PALM2AKAP2: variants seen among roughly 807,000 people sequenced by gnomAD.
PALM2AKAP2 encodes PALM2-AKAP2 fusion protein.
Under a neutral mutation model 71.5 loss-of-function variants are expected in PALM2AKAP2, and 37 were observed. That is an observed-to-expected ratio of 0.52 (90% CI 0.40 to 0.68). The LOEUF is 0.68. PALM2AKAP2 is among the 30% of genes least tolerant of loss of function. PALM2AKAP2 has a pLI of 0.00. For missense variants in PALM2AKAP2, 1,224 were observed against 1,191.8 expected (o/e 1.03, Z -0.40); for synonymous variants, 468 against 478.8 (o/e 0.98, Z 0.29).
chr9:109,883,359 GA>G (rs1829898127), intron 3 of PALM2AKAP2, among the ~76,000 whole-genome samples: 1 of 152,168 alleles, frequency 6.6e-6, no homozygotes, highest in Non-Finnish European at 1.5e-5. Flanking sequence ...GTGAGGCCTG[GA>G]TTCAGGGGCC....
intron 1 of PALM2AKAP2, among the ~76,000 whole-genome samples, chr9:109,680,990 A>T (rs1827723731): frequency 1.3e-5 from 2 of 152,242 alleles, no homozygotes; most frequent in Admixed American, 6.5e-5. Context: ...AAGAAAAAGT[A>T]AGTATAAGGA....
intron 1 of PALM2AKAP2, among the ~76,000 whole-genome samples, chr9:109,833,469 G>C (rs1828367448): frequency 1.3e-5 from 2 of 152,194 alleles, no homozygotes; most frequent in Admixed American, 1.3e-4. Context: ...TGTTGGCATG[G>C]AGCTCCCAGT....
intron 1 of PALM2AKAP2, among the ~76,000 whole-genome samples, chr9:110,083,696 A>G (rs558342566): frequency 2.6e-5 from 4 of 152,366 alleles, no homozygotes; most frequent in South Asian, 4.1e-4. Context: ...AAAATAGATC[A>G]CATACAAAGA....
chr9:110,027,904 T>C (rs1833211324), intron 7 of PALM2AKAP2, among the ~76,000 whole-genome samples: 1 of 152,204 alleles, frequency 6.6e-6, no homozygotes, highest in African/African-American at 2.4e-5. Context: ...AGGATTGTTT[T>C]GTGCAGGGAC....
At chr9:109,773,552 G>C (rs12347289) in intron 1 of PALM2AKAP2, among the ~76,000 whole-genome samples, 4 of 151,878 alleles carry the variant, frequency 2.6e-5, no homozygotes, top group Non-Finnish European at 2.9e-5. Context: ...AGTTCTCAGA[G>C]CACTTTCTCA....
intron 6 of PALM2AKAP2, among the ~76,000 whole-genome samples, chr9:109,935,938 A>T (rs988055031): frequency 6.6e-6 from 1 of 152,226 alleles, no homozygotes; most frequent in South Asian, 2.1e-4. Flanking sequence ...TTGACCAAAA[A>T]TAGAAGCAAA....
intron 1 of PALM2AKAP2, among the ~76,000 whole-genome samples, chr9:109,667,405 C>A (rs1042808104): frequency 2.0e-5 from 2 of 98,434 alleles, no homozygotes; most frequent in African/African-American, 8.0e-5. Flanking sequence ...ACAGGACAGA[C>A]CTAGGCCCGA....
intron 1 of PALM2AKAP2, among the ~76,000 whole-genome samples, chr9:109,815,764 C>T (rs1827836586): frequency 6.6e-6 from 1 of 152,084 alleles, no homozygotes; most frequent in Non-Finnish European, 1.5e-5. Flanking sequence ...GTCTTTGTCT[C>T]CCTAAGTGGT....
intron 6 of PALM2AKAP2, among the ~76,000 whole-genome samples, chr9:110,009,966 G>C (rs1027237947): frequency 6.6e-6 from 1 of 152,180 alleles, no homozygotes; most frequent in Non-Finnish European, 1.5e-5. Context: ...AGCACGCCCT[G>C]TGAATGGAGA....
At chr9:109,861,075 G>A (rs1055076519) in intron 1 of PALM2AKAP2, among the ~76,000 whole-genome samples, 1 of 152,190 alleles carries the variant, frequency 6.6e-6, no homozygotes, top group African/African-American at 2.4e-5. Context: ...CCTTCCCACT[G>A]CTGTGCCCTG....
At chr9:110,013,938 C>T (rs1356252113) in intron 6 of PALM2AKAP2, among the ~76,000 whole-genome samples, 1 of 152,180 alleles carries the variant, frequency 6.6e-6, no homozygotes, top group Admixed American at 6.6e-5. Flanking sequence ...GAGTACATCT[C>T]ATGGGACAAA....
chr9:109,859,434 G>A (rs1829253906), intron 1 of PALM2AKAP2, among the ~76,000 whole-genome samples: 1 of 152,156 alleles, frequency 6.6e-6, no homozygotes, highest in Non-Finnish European at 1.5e-5. Flanking sequence ...GACTAAAAAT[G>A]TTCCCAACAC....
At chr9:110,126,893 T>C (rs536862531) in intron 1 of PALM2AKAP2, among the ~76,000 whole-genome samples, 8 of 152,342 alleles carry the variant, frequency 5.3e-5, no homozygotes, top group African/African-American at 1.9e-4. Context: ...AGGAGGATTG[T>C]TCATAGGCTA....
intron 7 of PALM2AKAP2, among the ~76,000 whole-genome samples, chr9:110,037,231 A>T (rs1203396127): frequency 6.7e-6 from 1 of 150,228 alleles, no homozygotes; most frequent in Non-Finnish European, 1.5e-5. Context: ...ACAGAGTTTC[A>T]CTCTTGTTGC....
At chr9:109,699,648 G>C (rs891429872) in intron 1 of PALM2AKAP2, among the ~76,000 whole-genome samples, 1 of 152,158 alleles carries the variant, frequency 6.6e-6, no homozygotes, top group African/African-American at 2.4e-5. Context: ...CAAATGGACA[G>C]ACAGAGAAGA....
At chr9:109,880,409 G>A in intron 2 of PALM2AKAP2, 142 bp from the exon 3 acceptor site, 1 of 1,225,986 alleles carries the variant, frequency 8.2e-7, no homozygotes, top group South Asian at 2.0e-5. Context: ...GGGAAGTAGG[G>A]AGCCATGTTA....
intron 1 of PALM2AKAP2, among the ~76,000 whole-genome samples, chr9:110,111,381 C>G (rs1835248439): frequency 6.6e-6 from 1 of 152,190 alleles, no homozygotes; most frequent in Non-Finnish European, 1.5e-5. Flanking sequence ...GCATAAGCCA[C>G]TACACCTGGC....
chr9:109,903,285 A>T (rs1830369999), intron 3 of PALM2AKAP2, among the ~76,000 whole-genome samples: 1 of 151,010 alleles, frequency 6.6e-6, no homozygotes, highest in Non-Finnish European at 1.5e-5. Flanking sequence ...CTTTGGTGGC[A>T]GGGAGGATAT....
At chr9:109,945,627 T>C (rs1356850606) in intron 6 of PALM2AKAP2, 1 of 152,244 alleles carries the variant, frequency 6.6e-6, no homozygotes, top group East Asian at 1.9e-4. Context: ...TCTGAAAGCT[T>C]ACCATAGCTT....
Sources: gnomAD v4.1 joint callset for allele counts (sites outside exome capture counted in the v4.1 genomes callset) on GRCh38, gnomAD v4.1.1 for gene constraint, MANE v1.5 for transcripts, NCBI Gene and HGNC (gene_info 2026-07-23, HGNC 2026-07-21) for gene names.